DPYD: variants seen among roughly 807,000 people sequenced by gnomAD.
DPYD encodes dihydropyrimidine dehydrogenase [NADP(+)].
Under a neutral mutation model 116.2 loss-of-function variants are expected in DPYD, and 109 were observed. That is an observed-to-expected ratio of 0.94 (90% CI 0.80 to 1.10). The LOEUF (loss-of-function observed/expected upper bound fraction) is 1.10. Among genes scored for constraint, DPYD ranks in the 50% least tolerant of loss-of-function variants. The pLI is 0.00. For synonymous variants in DPYD, 440 were observed against 432.0 expected, an observed-to-expected ratio of 1.02 and a Z score of -0.23; for missense variants, 1,302 against 1,254.5, an observed-to-expected ratio of 1.04 and a Z score of -0.57.
intron 8 of DPYD, among the ~76,000 whole-genome samples, chr1:97,678,040 AC>A (rs1660239045): frequency 6.6e-6 from 1 of 152,158 alleles, no homozygotes; most frequent in South Asian, 2.1e-4. Flanking sequence ...GTGGTCCCCA[AC>A]CTTTTTGGCA....
Position 97,593,304 on chromosome 1 carries a change from C to G in DPYD, c.1042G>C (p.Ala348Pro). ...LGAGDTAFDC[A>P]TSALRCGARR... ...GCTCCACAACGTAGAGCAGATGTTG[C>G]ACAGTCAAAGGCAGTGTCTCCAGCT... Residue 348 changes from alanine to proline, a missense_variant, in exon 10 of 23, where the codon GCA becomes CCA. Physicochemically the swap from Ala to Pro is conservative, Grantham distance 27. Transcript: ENST00000370192. 1.2e-6 allele frequency: 2 copies of G among 1,614,102 alleles called. No homozygotes were observed. Among genetic ancestry groups the G allele is most frequent in the Non-Finnish European group, 8.5e-7 (1 of 1,180,012 alleles).
intron 14 of DPYD, among the ~76,000 whole-genome samples, chr1:97,393,435 C>T (rs1217532965): frequency 6.6e-6 from 1 of 151,590 alleles, no homozygotes; most frequent in East Asian, 1.9e-4. Flanking sequence ...TAATGCTATC[C>T]CTCCCCACTC....
intron 15 of DPYD, among the ~76,000 whole-genome samples, chr1:97,374,673 C>A (rs530746370): frequency 8.2e-6 from 1 of 122,304 alleles, no homozygotes; most frequent in South Asian, 2.6e-4. Flanking sequence ...AAGCTGAGAT[C>A]GCACCACTGC....
At chr1:97,600,747 CTTTG>C (rs1655197272) in intron 8 of DPYD, among the ~76,000 whole-genome samples, 1 of 152,012 alleles carries the variant, frequency 6.6e-6, no homozygotes, top group African/African-American at 2.4e-5. Context: ...TCCTTAAAGC[CTTTG>C]TTTGACTTAA....
At chr1:97,653,943 C>T (rs1166481807) in intron 8 of DPYD, among the ~76,000 whole-genome samples, 1 of 152,118 alleles carries the variant, frequency 6.6e-6, no homozygotes, top group Non-Finnish European at 1.5e-5. Flanking sequence ...GGAGAAAAAT[C>T]AGAATCAGAT....
chr1:97,457,636 A>G (rs562921127), intron 13 of DPYD, among the ~76,000 whole-genome samples: 1 of 152,290 alleles, frequency 6.6e-6, no homozygotes, highest in South Asian at 2.1e-4. Context: ...CCAACTCACT[A>G]GGCTTCAGAA....
intron 18 of DPYD, among the ~76,000 whole-genome samples, chr1:97,274,379 C>G (rs898796488): frequency 6.6e-6 from 1 of 152,108 alleles, no homozygotes; most frequent in Admixed American, 6.6e-5. Flanking sequence ...AGCCTGGCAT[C>G]TCTCTTGTGC....
intron 3 of DPYD, among the ~76,000 whole-genome samples, chr1:97,747,646 G>A (rs1164481525): frequency 6.6e-6 from 1 of 152,134 alleles, no homozygotes; most frequent in Non-Finnish European, 1.5e-5. Context: ...TATGTATGTA[G>A]CTATGTATGT....
At position 97,124,596 on chromosome 1, in the gene DPYD, C is replaced by T. The variant is rs1356767243; in HGVS notation, c.2623-25964G>A. On this transcript the variant is annotated intron_variant, in intron 20 of 22. Transcript: ENST00000370192. ...TCTACAAAGGATGAAAGAATATAGA[C>T]TCCATTGTCCACTTGGAATTTAACC... Among the ~76,000 whole-genome samples, 6 of 152,182 alleles carry T rather than the reference C, an allele frequency of 3.9e-5. No homozygotes were observed. In the East Asian group the frequency reaches 9.7e-4, roughly 24 times the overall value.
At chr1:97,565,872 G>T (rs1652482043) in intron 11 of DPYD, among the ~76,000 whole-genome samples, 1 of 152,100 alleles carries the variant, frequency 6.6e-6, no homozygotes, top group Admixed American at 6.6e-5. Flanking sequence ...GTTCTATTTA[G>T]AAATACAAAT....
At chr1:97,684,508 T>G (rs184879429) in intron 7 of DPYD, among the ~76,000 whole-genome samples, 68 of 150,944 alleles carry the variant, frequency 4.5e-4, no homozygotes, top group African/African-American at 1.6e-3. Flanking sequence ...CTGAAGGAGA[T>G]AGAGACACGA....
chr1:97,488,389 C>T (rs1000571828), intron 13 of DPYD, among the ~76,000 whole-genome samples: 4 of 151,884 alleles, frequency 2.6e-5, no homozygotes, highest in African/African-American at 9.7e-5. Flanking sequence ...TGAACCTACA[C>T]TTGATAAAAC....
At chr1:97,186,714 T>C (rs1658014802) in intron 20 of DPYD, among the ~76,000 whole-genome samples, 1 of 152,130 alleles carries the variant, frequency 6.6e-6, no homozygotes, top group Non-Finnish European at 1.5e-5. Context: ...CTGGGCGTGG[T>C]GGCAGACGCC....
At chr1:97,196,980 A>G (rs987467728) in intron 19 of DPYD, among the ~76,000 whole-genome samples, 1 of 152,202 alleles carries the variant, frequency 6.6e-6, no homozygotes, top group African/African-American at 2.4e-5. Context: ...TTACCTTCTT[A>G]CTTGTACAGT....
At chr1:97,483,686 G>C (rs1243897214) in intron 13 of DPYD, among the ~76,000 whole-genome samples, 1 of 152,150 alleles carries the variant, frequency 6.6e-6, no homozygotes, top group Non-Finnish European at 1.5e-5. Context: ...CTTTTAAGAG[G>C]TGATTAGGCC....
intron 13 of DPYD, among the ~76,000 whole-genome samples, chr1:97,461,718 T>C (rs1401249356): frequency 1.3e-5 from 2 of 152,228 alleles, no homozygotes; most frequent in East Asian, 3.8e-4. Flanking sequence ...ATAGCATTCT[T>C]TCATATATTA....
chr1:97,367,137 C>T lies in DPYD; in HGVS notation c.2058+6424G>A, dbSNP rs137922629. Among the ~76,000 whole-genome samples the T allele has an allele frequency of 2.4e-3, 358 of 152,164 alleles. 1 individual carries two copies. The highest frequency in any genetic ancestry group is 4.4e-3 in the Non-Finnish European group (299 of 68,002). ...AGGGGAAATTCTAGCACATCTGGGG[C>T]ACTGTGGTCCTCACACTTGGTTTGG... On this transcript the variant is annotated intron_variant, in intron 16 of 22. Coordinates refer to ENST00000370192, the MANE Select transcript of DPYD (RefSeq NM_000110.4).
At chr1:97,381,633 C>G (rs1671973501) in intron 15 of DPYD, among the ~76,000 whole-genome samples, 1 of 152,158 alleles carries the variant, frequency 6.6e-6, no homozygotes, top group Non-Finnish European at 1.5e-5. Context: ...ACACTACAGA[C>G]AGCTTTGCAA....
In DPYD at chr1:97,391,174, G is replaced by A. The variant is rs1008575089; in HGVS notation, c.1906-8713C>T. On this transcript the variant is annotated intron_variant, in intron 14 of 22. Coordinates refer to ENST00000370192, the MANE Select transcript of DPYD (RefSeq NM_000110.4). ...CATGCATTCACTAGACATCATATTC[G>A]CAATGACTGTAAATAATATCTATTA... is the stretch of plus-strand genomic sequence containing the variant. 6.0e-5 allele frequency among the ~76,000 whole-genome samples: 9 copies of A among 149,228 alleles called. No homozygotes were observed. The South Asian group carries it at 8.4e-4, about 14-fold the overall frequency.
Sources: gnomAD v4.1 joint callset for allele counts (sites outside exome capture counted in the v4.1 genomes callset) on GRCh38, gnomAD v4.1.1 for gene constraint, MANE v1.5 for transcripts, NCBI Gene and HGNC (gene_info 2026-07-23, HGNC 2026-07-21) for gene names.